The following C10orf53 variants were observed in gnomAD, a reference collection of about 807,000 sequenced individuals.
C10orf53 encodes the protein chromosome 10 open reading frame 53.
Under a neutral mutation model 9.4 loss-of-function variants are expected in C10orf53, and 8 were observed. That is an observed-to-expected ratio of 0.85 (90% CI 0.50 to 1.53). The LOEUF is 1.53. Among genes scored for constraint, C10orf53 ranks in the 40% most tolerant of loss-of-function variants. The pLI is 0.00. For synonymous variants in C10orf53, 48 were observed against 46.0 expected, an observed-to-expected ratio of 1.04 and a Z score of -0.18; for missense variants, 117 against 117.8, an observed-to-expected ratio of 0.99 and a Z score of 0.03.
intron 1 of C10orf53, among the ~76,000 whole-genome samples, chr10:49,689,926 T>C (rs1228846946): frequency 6.6e-6 from 1 of 152,190 alleles, no homozygotes; most frequent in Non-Finnish European, 1.5e-5. Flanking sequence ...AAAACATATT[T>C]GTTTTTACCA....
chr10:49,693,867 A>G lies in C10orf53; in HGVS notation c.191A>G (p.His64Arg). 1 of 1,614,274 alleles carries G rather than the reference A, an allele frequency of 6.2e-7. No individual in the cohort carries two copies. Among genetic ancestry groups the G allele is most frequent in the Non-Finnish European group, 8.5e-7 (1 of 1,180,046 alleles). The change falls in exon 2 of 3, where the codon CAC (histidine) becomes CGC (arginine). Residue 64 changes from histidine (H) to arginine (R), a missense_variant. His to Arg is a conservative substitution (Grantham distance 29). Transcript: ENST00000374111. Reference protein sequence around the residue: ...ELMVNEEVIFHCNIKDLEFGG... With the variant: ...ELMVNEEVIFRCNIKDLEFGG... ...ATGGTGAATGAAGAAGTCATCTTCCACTGCAACATTAAGGACTTGGAGTTC... is the reference window on the plus strand; with the variant it reads ...ATGGTGAATGAAGAAGTCATCTTCCGCTGCAACATTAAGGACTTGGAGTTC...
chr10:49,681,113 G>A (rs1242783099), intron 1 of C10orf53, among the ~76,000 whole-genome samples: 1 of 152,138 alleles, frequency 6.6e-6, no homozygotes, highest in Non-Finnish European at 1.5e-5. Context: ...CACTTACAGT[G>A]GGCTCATTGG....
chr10:49,684,101 C>A (rs547782846), intron 1 of C10orf53, among the ~76,000 whole-genome samples: 1 of 152,312 alleles, frequency 6.6e-6, no homozygotes, highest in East Asian at 1.9e-4. Flanking sequence ...GTTAAAGTGA[C>A]TGTTCTTTAC....
chr10:49,701,547 G>C (rs147903504), downstream of C10orf53, among the ~76,000 whole-genome samples: 2 of 152,068 alleles, frequency 1.3e-5, no homozygotes, highest in East Asian at 1.9e-4. Context: ...ACACAATCAG[G>C]GTACCCCAAA....
chr10:49,702,481 A>G (rs1021874433), downstream of C10orf53, among the ~76,000 whole-genome samples: 3 of 152,176 alleles, frequency 2.0e-5, no homozygotes, highest in Non-Finnish European at 4.4e-5. Flanking sequence ...ATCTGAATAG[A>G]GTGAAAGGTG....
downstream of C10orf53, among the ~76,000 whole-genome samples, chr10:49,698,486 C>T (rs7918566): frequency 0.54 from 81,734 of 151,876 alleles, 22,259 homozygotes; most frequent in Middle Eastern, 0.57. Flanking sequence ...ACTCTGGTCC[C>T]CTGCTTCAGA....
chr10:49,686,010 C>A (rs774220443), intron 1 of C10orf53, among the ~76,000 whole-genome samples: 3 of 152,106 alleles, frequency 2.0e-5, no homozygotes, highest in Non-Finnish European at 4.4e-5. Flanking sequence ...CAGGGCTGTT[C>A]ATTTTTCTTC....
intron 1 of C10orf53, among the ~76,000 whole-genome samples, chr10:49,689,320 T>C (rs1464703561): frequency 6.6e-6 from 1 of 152,106 alleles, no homozygotes; most frequent in East Asian, 1.9e-4. Context: ...ACCAGTGGGC[T>C]CCAAACTATT....
chr10:49,683,750 G>T (rs1840501749), intron 1 of C10orf53, among the ~76,000 whole-genome samples: 1 of 152,080 alleles, frequency 6.6e-6, no homozygotes, highest in Admixed American at 6.5e-5. Flanking sequence ...ACAAAAATTA[G>T]GTGGGTGTGA....
At chr10:49,704,154 G>C (rs943629181) in intron 2 of C10orf53, among the ~76,000 whole-genome samples, 44 of 152,210 alleles carry the variant, frequency 2.9e-4, no homozygotes, top group Middle Eastern at 3.4e-3. Context: ...GAAACCCAAA[G>C]ACATAGAAGA....
chr10:49,690,060 T>C (rs1416304752), intron 1 of C10orf53, among the ~76,000 whole-genome samples: 1 of 152,054 alleles, frequency 6.6e-6, no homozygotes, highest in African/African-American at 2.4e-5. Context: ...CTTGGTGAGC[T>C]GAAGGCTTCC....
At chr10:49,699,188 A>ATATTTTTTTT, downstream of C10orf53, among the ~76,000 whole-genome samples, 1 of 47,828 alleles carries the variant, frequency 2.1e-5, no homozygotes, top group South Asian at 9.9e-4. Flanking sequence ...TGGTGGCTCA[A>ATATTTTTTTT]TCTTTTTTTT....
At chr10:49,686,660 C>T (rs968266648) in intron 1 of C10orf53, among the ~76,000 whole-genome samples, 4 of 152,142 alleles carry the variant, frequency 2.6e-5, no homozygotes, top group Admixed American at 1.3e-4. Flanking sequence ...GAGATAAGGA[C>T]TGAAATACGC....
rs1294523356 is a variant in C10orf53 at position 49,695,303 on chromosome 10, G to C, written c.*701G>C. ...AACACAGCCCCATAGAGTTAAAGAG[G>C]GTTTTCACTATGTTCAGTGTGAAAA... On this transcript the variant is annotated 3_prime_UTR_variant, in exon 3 of 3. Transcript: ENST00000374111. 4 of 152,098 alleles carry C rather than the reference G, an allele frequency of 2.6e-5. No individual in the cohort carries two copies. Among genetic ancestry groups the C allele is most frequent in the Admixed American group, 1.3e-4 (2 of 15,256 alleles). 9.4% of individuals were successfully genotyped at this position (152,098 alleles called of 1,614,324 possible). A position where few individuals can be genotyped will look rare whatever the true frequency, so the allele number is the denominator to read the frequency against.
downstream of C10orf53, among the ~76,000 whole-genome samples, chr10:49,698,339 G>A (rs1840653622): frequency 6.6e-6 from 1 of 152,050 alleles, no homozygotes; most frequent in Admixed American, 6.6e-5. Context: ...CATATACAAG[G>A]GAACTGTGTG....
At chr10:49,704,853 G>A (rs774086559) in intron 2 of C10orf53, among the ~76,000 whole-genome samples, 2 of 152,222 alleles carry the variant, frequency 1.3e-5, no homozygotes, top group Non-Finnish European at 2.9e-5. Flanking sequence ...AGAGTAAGTT[G>A]ACAAAATGTC....
chr10:49,679,684 GCGGAGGC>G lies in C10orf53; in HGVS notation c.-12_-6del. The stretch of plus-strand genomic sequence containing the variant: ...GTGTTTCTCCCTTGCCTCTGCGGCG[GCGGAGGC>G]CTGGCGATGCCCAAGAACGCAGTGG... On this transcript the variant is annotated 5_prime_UTR_variant, in exon 1 of 3. Transcript: ENST00000374111. The G allele has an allele frequency of 1.9e-6, 3 of 1,545,260 alleles. No homozygotes were observed. Among genetic ancestry groups the G allele is most frequent in the Non-Finnish European group, 2.6e-6 (3 of 1,144,758 alleles).
exon 3 of C10orf53, chr10:49,709,975 G>GTGTGTGTGTGTGTGTC (rs1840753249): frequency 4.6e-5 from 2 of 43,804 alleles, no homozygotes; most frequent in African/African-American, 1.7e-4. Flanking sequence ...GTGTGTGTCT[G>GTGTGTGTGTGTGTGTC]TGTGTGTGTG....
Position 49,682,886 on chromosome 10 carries a change from T to C in C10orf53, c.97+3092T>C, listed in dbSNP as rs368892656. On this transcript the variant is annotated intron_variant, in intron 1 of 2. Transcript: ENST00000374111. ...TAGCTTATTTCACTTAGCATAATAT[T>C]TCAAGGTTTATCCATGCTACAGCAT... 1.2e-4 allele frequency among the ~76,000 whole-genome samples: 19 copies of C among 152,362 alleles called. No individual in the cohort carries two copies. The East Asian group carries it at 1.7e-3, about 14-fold the overall frequency.
Sources: allele counts gnomAD v4.1 joint callset (sites outside exome capture counted in the v4.1 genomes callset), GRCh38; gene constraint gnomAD v4.1.1; transcripts MANE v1.5; gene names NCBI Gene and HGNC (gene_info 2026-07-23, HGNC 2026-07-21).